Variants in APLP2 observed in about 807,000 individuals in gnomAD.
The protein encoded by APLP2 is CDEI box-binding protein.
In APLP2, 53 loss-of-function variants were observed where a neutral mutation model predicts 89.9. That is an observed-to-expected ratio of 0.59 (90% CI 0.47 to 0.74). The LOEUF is 0.74. APLP2 is among the 30% of genes least tolerant of loss of function. APLP2 has a pLI of 0.00. For synonymous variants in APLP2, 372 were observed against 348.6 expected, an observed-to-expected ratio of 1.07 and a Z score of -0.75; for missense variants, 973 against 975.9, an observed-to-expected ratio of 1.00 and a Z score of 0.04.
Position 130,137,083 on chromosome 11 carries a change from C to T in APLP2, c.1837+1368C>T, listed in dbSNP as rs550652054. ...TACCCTCCAGTGATTTGCTGTGGCT[C>T]ATACTGCTGGTTTGTTTATGGGATA... On this transcript the variant is annotated intron_variant, in intron 13 of 16. Transcript: ENST00000338167. Among the ~76,000 whole-genome samples the T allele has an allele frequency of 3.3e-5, 5 of 152,290 alleles. No individual in the cohort carries two copies. In the South Asian group the frequency reaches 1.0e-3, roughly 32 times the overall value.
In APLP2 at chr11:130,114,824, T is replaced by C. The variant is rs182712960; in HGVS notation, c.403+4163T>C. Among the ~76,000 whole-genome samples the C allele has an allele frequency of 8.1e-3, 1,229 of 152,348 alleles. 10 individuals are homozygous for C. The highest frequency in any genetic ancestry group is 0.013 in the Non-Finnish European group (890 of 68,028). On this transcript the variant is annotated intron_variant, in intron 3 of 16. Transcript: ENST00000338167. The stretch of plus-strand genomic sequence containing the variant: ...GAAAACTACTAAAGTTCTGATTTAA[T>C]ATCTACTTTGAAAACAAAACTGGTC...
intron 1 of APLP2, among the ~76,000 whole-genome samples, chr11:130,091,011 T>A: frequency 7.2e-6 from 1 of 139,268 alleles, no homozygotes. Flanking sequence ...CCCACCTCCC[T>A]CCCGGACGGG....
At chr11:130,070,140 C>G in intron 1 of APLP2, 58 bp downstream of exon 1, 4 of 1,192,008 alleles carry the variant, frequency 3.4e-6, no homozygotes, top group Non-Finnish European at 4.3e-6. Flanking sequence ...GGAGCGCGGA[C>G]TGCGGGCGGG....
chr11:130,123,623 C>T lies in APLP2; in HGVS notation c.934C>T (p.Gln312Ter). ...CCATTTTCACACAGCTGTCTGCTCC[C>T]AGGAGGCGATGACGGGGCCCTGCCG... Reference protein sequence around the residue: ...ITHDVKAVCSQEAMTGPCRAV... With the variant: ...ITHDVKAVCS The change falls in exon 7 of 17, where the codon CAG (glutamine) becomes TAG (stop). Residue 312 changes from glutamine to a stop codon, truncating the protein, a stop_gained. Coordinates refer to ENST00000338167, the MANE Select transcript of APLP2 (RefSeq NM_001142276.2). LOFTEE classifies it high-confidence loss of function. The surrounding 1 kb of genome is among the most constrained non-coding windows in gnomAD (Gnocchi z 4.0). The T allele has an allele frequency of 1.2e-6, 2 of 1,613,690 alleles. No homozygotes were observed. The highest frequency in any genetic ancestry group is 8.5e-7 in the Non-Finnish European group (1 of 1,179,778).
At chr11:130,117,953 T>C (rs1345434746) in intron 3 of APLP2, among the ~76,000 whole-genome samples, 1 of 152,060 alleles carries the variant, frequency 6.6e-6, no homozygotes, top group Non-Finnish European at 1.5e-5. Context: ...GGCACGTGCC[T>C]GTAGTCCCAG....
chr11:130,101,405 C>T (rs1254420897), intron 1 of APLP2: 4 of 151,862 alleles, frequency 2.6e-5, no homozygotes, highest in Admixed American at 1.3e-4. Context: ...CCAGGATGGT[C>T]TCGGTCTCCT....
chr11:130,101,594 A>G (rs1946941887), intron 1 of APLP2: 2 of 173,070 alleles, frequency 1.2e-5, no homozygotes, highest in South Asian at 2.3e-4. Context: ...GAGACTCTTA[A>G]TATTGAAACG....
chr11:130,137,109 T>G (rs529504104), intron 13 of APLP2: 3 of 714,642 alleles, frequency 4.2e-6, no homozygotes, highest in African/African-American at 3.5e-5. Flanking sequence ...TTATGGGATA[T>G]TTCAGGCAGG....
At chr11:130,117,995 T>G (rs1949393482) in intron 3 of APLP2, among the ~76,000 whole-genome samples, 4 of 151,396 alleles carry the variant, frequency 2.6e-5, no homozygotes, top group African/African-American at 9.7e-5. Context: ...GAGAATCACT[T>G]GAACCCGGGA....
At chr11:130,120,203 C>T (rs563468051) in intron 3 of APLP2, among the ~76,000 whole-genome samples, 4 of 152,254 alleles carry the variant, frequency 2.6e-5, no homozygotes, top group African/African-American at 7.2e-5. Context: ...GGCTTCCCAC[C>T]GTAAAGACAC....
chr11:130,070,229 C>T, intron 1 of APLP2, 147 bp downstream of exon 1: 1 of 371,984 alleles, frequency 2.7e-6, no homozygotes, highest in Non-Finnish European at 4.2e-6. Flanking sequence ...GCGCCCTCCC[C>T]CGCCCGTCCC....
chr11:130,143,266 A>G (rs1952639352), intron 16 of APLP2, 81 bp from the exon 17 acceptor site: 4 of 1,304,130 alleles, frequency 3.1e-6, no homozygotes, highest in Non-Finnish European at 1.1e-6. Context: ...GGGATTGTGC[A>G]GCAAATGGCT....
At chr11:130,118,462 C>T (rs568115527) in intron 3 of APLP2, among the ~76,000 whole-genome samples, 3 of 152,326 alleles carry the variant, frequency 2.0e-5, no homozygotes, top group East Asian at 1.9e-4. Context: ...GCTAAGGTTA[C>T]TCTGCTAGTA....
intron 1 of APLP2, among the ~76,000 whole-genome samples, chr11:130,093,070 C>T (rs953201936): frequency 1.3e-5 from 2 of 152,102 alleles, no homozygotes; most frequent in African/African-American, 4.8e-5. Context: ...TTGAGGTTTA[C>T]TTGGGGAGAG....
chr11:130,072,612 G>A (rs981493905), intron 1 of APLP2, among the ~76,000 whole-genome samples: 2 of 151,952 alleles, frequency 1.3e-5, no homozygotes, highest in African/African-American at 4.8e-5. Flanking sequence ...AAGTAGCTGG[G>A]ATTGCAGGCG....
chr11:130,090,824 C>T (rs868503012), intron 1 of APLP2, among the ~76,000 whole-genome samples: 15 of 149,630 alleles, frequency 1.0e-4, no homozygotes, highest in East Asian at 2.0e-4. Flanking sequence ...GGCTCCTCAC[C>T]TCCCAGTAGG....
chr11:130,098,615 C>G (rs923072151), intron 1 of APLP2, among the ~76,000 whole-genome samples: 24 of 152,064 alleles, frequency 1.6e-4, no homozygotes, highest in African/African-American at 5.3e-4. Flanking sequence ...GGTAAAATCA[C>G]TAATTCAAGT....
chr11:130,093,116 A>T (rs1378026500), intron 1 of APLP2, among the ~76,000 whole-genome samples: 1 of 152,180 alleles, frequency 6.6e-6, no homozygotes, highest in African/African-American at 2.4e-5. Context: ...GAGCAGTGAA[A>T]GTCTCCCTAA....
chr11:130,114,581 A>G (rs1323043140), intron 3 of APLP2, among the ~76,000 whole-genome samples: 4 of 152,098 alleles, frequency 2.6e-5, no homozygotes, highest in Non-Finnish European at 4.4e-5. Flanking sequence ...ACATGTCCCT[A>G]TCATTCTTTG....
Sources: gnomAD v4.1 joint callset for allele counts (sites outside exome capture counted in the v4.1 genomes callset) on GRCh38, gnomAD v4.1.1 for gene constraint, Gnocchi (gnomAD v3.1) non-coding constraint, MANE v1.5 for transcripts, NCBI Gene and HGNC (gene_info 2026-07-23, HGNC 2026-07-21) for gene names.